KHDRBS2: variants seen among roughly 807,000 people sequenced by gnomAD.
KHDRBS2 encodes KH RNA binding domain containing, signal transduction associated 2.
In KHDRBS2, 26 loss-of-function variants were observed where a neutral mutation model predicts 44.3. That is an observed-to-expected ratio of 0.59 (90% CI 0.43 to 0.81). The LOEUF (loss-of-function observed/expected upper bound fraction) is 0.81, where lower values mean the gene tolerates loss of function less well. Among genes scored for constraint, KHDRBS2 ranks in the 40% least tolerant of loss-of-function variants. The pLI is 0.00. For missense variants in KHDRBS2, 476 were observed against 433.1 expected (o/e 1.10, Z -0.88); for synonymous variants, 194 against 151.1 (o/e 1.28, Z -2.08).
rs1482392126 is a variant in KHDRBS2, at chr6:62,127,503, T to C, written c.219+49682A>G. Among the ~76,000 whole-genome samples, 8 of 152,228 alleles carry C rather than the reference T, an allele frequency of 5.3e-5. No individual in the cohort carries two copies. The East Asian group carries it at 1.5e-3, about 29-fold the overall frequency. ...TTACTTTAAAATCTCAATAATATAT[T>C]AATAGGTTAATACTGATAGTCTAAA... On this transcript the variant is annotated intron_variant, in intron 2 of 8. Coordinates refer to ENST00000281156, the MANE Select transcript of KHDRBS2 (RefSeq NM_152688.4).
intron 2 of KHDRBS2, among the ~76,000 whole-genome samples, chr6:62,118,426 G>A (rs1482976677): frequency 2.6e-5 from 4 of 152,042 alleles, no homozygotes; most frequent in African/African-American, 9.6e-5. Flanking sequence ...TTTTTTTATT[G>A]CTAAGGAGAA....
intron 2 of KHDRBS2, among the ~76,000 whole-genome samples, chr6:62,091,480 C>T (rs1799489277): frequency 1.3e-5 from 2 of 152,118 alleles, no homozygotes; most frequent in Admixed American, 6.5e-5. Flanking sequence ...ATGGGGCAGT[C>T]ATTCCACAGT....
chr6:61,813,228 G>C (rs1284208449), intron 6 of KHDRBS2, among the ~76,000 whole-genome samples: 1 of 152,074 alleles, frequency 6.6e-6, no homozygotes, highest in African/African-American at 2.4e-5. Flanking sequence ...TCCAAGATGA[G>C]AAAGTTAGAG....
chr6:62,056,974 G>C (rs1381219142), intron 2 of KHDRBS2, among the ~76,000 whole-genome samples: 1 of 151,868 alleles, frequency 6.6e-6, no homozygotes, highest in Non-Finnish European at 1.5e-5. Flanking sequence ...CTGTGAAGCT[G>C]AAAAAGAATC....
chr6:62,260,208 C>G (rs1159232986), intron 1 of KHDRBS2, among the ~76,000 whole-genome samples: 2 of 151,898 alleles, frequency 1.3e-5, no homozygotes, highest in Admixed American at 1.3e-4. Context: ...AGTTACCTGC[C>G]TTTTATAAGA....
chr6:62,172,190 T>C (rs1299678623), intron 2 of KHDRBS2, among the ~76,000 whole-genome samples: 3 of 152,234 alleles, frequency 2.0e-5, no homozygotes, highest in South Asian at 4.1e-4. Context: ...CCATCTCACA[T>C]GCAATGACAT....
chr6:62,007,097 C>T (rs1779380959), intron 3 of KHDRBS2, among the ~76,000 whole-genome samples: 1 of 151,968 alleles, frequency 6.6e-6, no homozygotes, highest in Non-Finnish European at 1.5e-5. Flanking sequence ...TGTTTCTGCT[C>T]CCATTATAAC....
At chr6:62,185,396 G>T (rs1823217329) in intron 1 of KHDRBS2, among the ~76,000 whole-genome samples, 1 of 151,870 alleles carries the variant, frequency 6.6e-6, no homozygotes, top group Non-Finnish European at 1.5e-5. Context: ...CTAAGTCATG[G>T]ATCTCCCAGG....
chr6:61,846,723 C>T (rs1794467613), intron 6 of KHDRBS2, among the ~76,000 whole-genome samples: 1 of 151,962 alleles, frequency 6.6e-6, no homozygotes, highest in African/African-American at 2.4e-5. Flanking sequence ...AAGGTAAGAA[C>T]TCCAAAAAAG....
At chr6:61,645,630 C>G in the KHDRBS2 span, among the ~76,000 whole-genome samples, 7 of 151,886 alleles carry the variant, frequency 4.6e-5, no homozygotes, top group Admixed American at 2.0e-4. Flanking sequence ...TGAATGTTAT[C>G]CCCAAAAGAT....
At chr6:61,907,247 A>G (rs1805205273) in intron 4 of KHDRBS2, among the ~76,000 whole-genome samples, 1 of 151,854 alleles carries the variant, frequency 6.6e-6, no homozygotes, top group African/African-American at 2.4e-5. Context: ...TTTTAAACTC[A>G]GATTATCTGC....
At chr6:62,137,230 T>C (rs1188018066) in intron 2 of KHDRBS2, among the ~76,000 whole-genome samples, 2 of 152,056 alleles carry the variant, frequency 1.3e-5, no homozygotes, top group Non-Finnish European at 2.9e-5. Flanking sequence ...CTTGATCTCC[T>C]GACCTCAGGA....
intron 2 of KHDRBS2, among the ~76,000 whole-genome samples, chr6:62,098,173 G>A (rs1562851794): frequency 2.0e-5 from 3 of 149,250 alleles, no homozygotes. Context: ...TACACACAAT[G>A]TCTATAGTAT....
chr6:62,183,921 T>G (rs1193466533), intron 1 of KHDRBS2, among the ~76,000 whole-genome samples: 1 of 151,702 alleles, frequency 6.6e-6, no homozygotes, highest in Non-Finnish European at 1.5e-5. Context: ...ACCTGGTAAT[T>G]AAAACTCATT....
chr6:62,078,649 G>A (rs1796809724), intron 2 of KHDRBS2, among the ~76,000 whole-genome samples: 1 of 151,954 alleles, frequency 6.6e-6, no homozygotes, highest in Non-Finnish European at 1.5e-5. Flanking sequence ...GACAGAAATT[G>A]AAAGGAAAAT....
chr6:61,823,583 C>T (rs1790355342), intron 6 of KHDRBS2, among the ~76,000 whole-genome samples: 1 of 152,044 alleles, frequency 6.6e-6, no homozygotes, highest in African/African-American at 2.4e-5. Flanking sequence ...ACATGATACT[C>T]ATTATAACAA....
chr6:62,105,117 T>TA (rs1207097619), intron 2 of KHDRBS2, among the ~76,000 whole-genome samples: 4 of 152,048 alleles, frequency 2.6e-5, no homozygotes, highest in Non-Finnish European at 2.9e-5. Flanking sequence ...CCTATATCAT[T>TA]AAAAAAATGA....
chr6:61,710,919 T>G (rs566290756), intron 7 of KHDRBS2, among the ~76,000 whole-genome samples: 2 of 147,476 alleles, frequency 1.4e-5, no homozygotes, highest in African/African-American at 5.0e-5. Flanking sequence ...ATTCTTCAGA[T>G]TTTGATGCAA....
At chr6:61,670,322 G>A in the KHDRBS2 span, among the ~76,000 whole-genome samples, 2 of 151,282 alleles carry the variant, frequency 1.3e-5, no homozygotes, top group African/African-American at 4.8e-5. Flanking sequence ...CTTCATTAAA[G>A]GTTATCAGGT....
Sources: allele counts gnomAD v4.1 joint callset (sites outside exome capture counted in the v4.1 genomes callset), GRCh38; gene constraint gnomAD v4.1.1; transcripts MANE v1.5; gene names NCBI Gene and HGNC (gene_info 2026-07-23, HGNC 2026-07-21).